Variants in PKIA observed in about 807,000 individuals in gnomAD.
PKIA encodes PKI-alpha.
In PKIA, 4 loss-of-function variants were observed where a neutral mutation model predicts 7.6. The observed-to-expected ratio is 0.52, with a 90% confidence interval of 0.26 to 1.20. The LOEUF is 1.20. PKIA is among the 50% of genes most tolerant of loss of function. The pLI is 0.13. For missense variants in PKIA, 73 were observed against 86.2 expected (o/e 0.85, Z 0.61); for synonymous variants, 21 against 30.7 (o/e 0.68, Z 1.04).
intron 1 of PKIA, among the ~76,000 whole-genome samples, chr8:78,520,453 T>A (rs1163468286): frequency 6.6e-6 from 1 of 152,188 alleles, no homozygotes; most frequent in African/African-American, 2.4e-5. Flanking sequence ...AAGCCACTCA[T>A]CTAGGGACTT....
chr8:78,598,857 G>T (rs1268423229), intron 3 of PKIA, among the ~76,000 whole-genome samples: 1 of 151,968 alleles, frequency 6.6e-6, no homozygotes, highest in East Asian at 1.9e-4. Flanking sequence ...ATTTAACAAA[G>T]TTGGAGCTCC....
chr8:78,590,089 A>T lies in PKIA; in HGVS notation c.-27-8269A>T, dbSNP rs946176544. Among the ~76,000 whole-genome samples, 4 of 152,206 alleles carry T rather than the reference A, an allele frequency of 2.6e-5. No homozygotes were observed. In the East Asian group the frequency reaches 7.7e-4, roughly 29 times the overall value. On this transcript the variant is annotated intron_variant, in intron 2 of 3. Transcript: ENST00000396418. ...CCAATGAAAAAATCTGAACTTTCAA[A>T]CAAAAATTATAATTTCAGAAAACCT...
chr8:78,565,882 GGAGA>G, intron 1 of PKIA, among the ~76,000 whole-genome samples: 1 of 151,994 alleles, frequency 6.6e-6, no homozygotes, highest in Non-Finnish European at 1.5e-5. Flanking sequence ...CCTGTTATCT[GGAGA>G]GATTTTAATT....
intron 1 of PKIA, among the ~76,000 whole-genome samples, chr8:78,524,381 C>G (rs1809502853): frequency 6.6e-6 from 1 of 151,200 alleles, no homozygotes; most frequent in East Asian, 1.9e-4. Flanking sequence ...TGACAAGTCA[C>G]TGTCATCCAA....
At chr8:78,526,475 C>T (rs540292006) in intron 1 of PKIA, among the ~76,000 whole-genome samples, 143 of 152,166 alleles carry the variant, frequency 9.4e-4, no homozygotes, top group African/African-American at 3.2e-3. Flanking sequence ...ATTTCAGAAG[C>T]AAAGTGCCAT....
chr8:78,547,314 A>G (rs1484900864), intron 1 of PKIA, among the ~76,000 whole-genome samples: 1 of 152,032 alleles, frequency 6.6e-6, no homozygotes, highest in Non-Finnish European at 1.5e-5. Flanking sequence ...CATATTAGCC[A>G]AGATGGTCTT....
chr8:78,594,314 T>G (rs909262106), intron 2 of PKIA, among the ~76,000 whole-genome samples: 1 of 151,948 alleles, frequency 6.6e-6, no homozygotes, highest in Non-Finnish European at 1.5e-5. Flanking sequence ...TGGAAAAATA[T>G]TGCTCATTAT....
At chr8:78,535,758 A>C (rs1465761373) in intron 1 of PKIA, 1 of 152,158 alleles carries the variant, frequency 6.6e-6, no homozygotes, top group Non-Finnish European at 1.5e-5. Context: ...AAAGATAACT[A>C]TTACAAATAA....
Position 78,555,761 on chromosome 8 carries a change from A to G in PKIA, c.-156-17050A>G, listed in dbSNP as rs377481205. 9.1e-4 allele frequency among the ~76,000 whole-genome samples: 138 copies of G among 152,116 alleles called. 2 individuals are homozygous for G. The Middle Eastern group carries it at 0.01, about 11-fold the overall frequency. ...TGTGTGTGTGTGAGAGAGTGTTTGT[A>G]TAGAAACCACTCTAGAAAAAGACAT... is the stretch of plus-strand genomic sequence containing the variant. On this transcript the variant is annotated intron_variant, in intron 1 of 3. Coordinates refer to ENST00000396418, the MANE Select transcript of PKIA (RefSeq NM_006823.4).
In PKIA at chr8:78,605,184, G is replaced by C. The variant is rs924621007; in HGVS notation, c.*3363G>C. 1 of 151,960 alleles carries C rather than the reference G, an allele frequency of 6.6e-6. No homozygotes were observed. Among genetic ancestry groups the C allele is most frequent in the East Asian group, 1.9e-4 (1 of 5,174 alleles). The allele number at this position is 151,960 out of a possible 1,614,324, so 9.4% of individuals were successfully genotyped here. On this transcript the variant is annotated 3_prime_UTR_variant, in exon 4 of 4. Coordinates refer to ENST00000396418, the MANE Select transcript of PKIA (RefSeq NM_006823.4). ...AGAGTGGCAGTCTCTGAAGTCATTT[G>C]TGAGCTTGTATGACTTTTGTATTTA...
At chr8:78,563,061 T>G (rs1467714788) in intron 1 of PKIA, among the ~76,000 whole-genome samples, 1 of 152,188 alleles carries the variant, frequency 6.6e-6, no homozygotes, top group East Asian at 1.9e-4. Flanking sequence ...TACAAAATTT[T>G]TCTCTACTTT....
chr8:78,566,429 A>G (rs1342007438), intron 1 of PKIA, among the ~76,000 whole-genome samples: 1 of 152,044 alleles, frequency 6.6e-6, no homozygotes, highest in East Asian at 1.9e-4. Flanking sequence ...CTACAAAGCT[A>G]TATGTTCTGT....
Position 78,601,981 on chromosome 8 carries a change from T to C in PKIA, c.*160T>C, listed in dbSNP as rs376135655. 9 of 606,564 alleles carry C rather than the reference T, an allele frequency of 1.5e-5. No homozygotes were observed. Among genetic ancestry groups the C allele is most frequent in the South Asian group, 4.2e-5 (2 of 47,790 alleles). 37.6% of individuals were successfully genotyped at this position (606,564 alleles called of 1,614,324 possible). ...ATGTTAAAAATGAGGGCAGAGGCTG[T>C]GGCTGCAGGCAGACTTTTCCCTACC... is the stretch of plus-strand genomic sequence containing the variant. On this transcript the variant is annotated 3_prime_UTR_variant, in exon 4 of 4. Coordinates refer to ENST00000396418, the MANE Select transcript of PKIA (RefSeq NM_006823.4).
At chr8:78,547,193 C>T (rs1312599072) in intron 1 of PKIA, among the ~76,000 whole-genome samples, 2 of 152,164 alleles carry the variant, frequency 1.3e-5, no homozygotes, top group Non-Finnish European at 2.9e-5. Context: ...AATGCAACCT[C>T]TGCCTCCCAG....
intron 2 of PKIA, among the ~76,000 whole-genome samples, chr8:78,578,572 G>A (rs1219856928): frequency 1.3e-5 from 2 of 151,694 alleles, no homozygotes; most frequent in African/African-American, 4.8e-5. Flanking sequence ...GCTCTCGTTA[G>A]AATATCAAGT....
At chr8:78,548,657 T>C (rs549957031) in intron 1 of PKIA, among the ~76,000 whole-genome samples, 1 of 152,224 alleles carries the variant, frequency 6.6e-6, no homozygotes, top group East Asian at 1.9e-4. Context: ...CGTATAGAGA[T>C]AGGATAATTT....
chr8:78,553,095 A>C (rs573146782), intron 1 of PKIA, among the ~76,000 whole-genome samples: 1 of 151,840 alleles, frequency 6.6e-6, no homozygotes, highest in Admixed American at 6.6e-5. Flanking sequence ...GCAGGAAAAA[A>C]AAAAAAAAAA....
chr8:78,551,177 A>G (rs1806974068), intron 1 of PKIA, among the ~76,000 whole-genome samples: 1 of 152,090 alleles, frequency 6.6e-6, no homozygotes, highest in South Asian at 2.1e-4. Flanking sequence ...GGATATTACA[A>G]AAGAAGAGTC....
rs554449494 is a variant in PKIA at position 78,601,156 on chromosome 8, C to T, written c.152-586C>T. ...GTTTTATTGGAATTGTGCACATGTT[C>T]TCTAAGGGCAGACCAGAGGCCATTG... On this transcript the variant is annotated intron_variant, in intron 3 of 3. Coordinates refer to ENST00000396418, the MANE Select transcript of PKIA (RefSeq NM_006823.4). Among the ~76,000 whole-genome samples the T allele has an allele frequency of 6.6e-5, 10 of 152,154 alleles. No homozygotes were observed. In the East Asian group the frequency reaches 1.7e-3, roughly 26 times the overall value.
Sources: gnomAD v4.1 joint callset for allele counts (sites outside exome capture counted in the v4.1 genomes callset) on GRCh38, gnomAD v4.1.1 for gene constraint, MANE v1.5 for transcripts, NCBI Gene and HGNC (gene_info 2026-07-23, HGNC 2026-07-21) for gene names.